Variants in HS2ST1 observed in about 807,000 individuals in gnomAD.
HS2ST1 encodes heparan sulfate 2-O-sulfotransferase 1.
Under a neutral mutation model 42.9 loss-of-function variants are expected in HS2ST1, and 18 were observed. The ratio of observed to expected loss-of-function variants is 0.42; its 90% CI spans 0.29 to 0.62. The LOEUF (loss-of-function observed/expected upper bound fraction) is 0.62. Ranked by LOEUF, HS2ST1 falls within the 20% of genes least tolerant of loss-of-function variation. HS2ST1 has a pLI of 0.21. For synonymous variants in HS2ST1, 146 were observed against 152.9 expected (o/e 0.95, Z 0.33); for missense variants, 334 against 433.8 (o/e 0.77, Z 2.04).
At chr1:86,945,952 AT>A (rs1256916090) in intron 1 of HS2ST1, among the ~76,000 whole-genome samples, 3 of 152,284 alleles carry the variant, frequency 2.0e-5, no homozygotes, top group East Asian at 3.9e-4. Flanking sequence ...TTAAAACAAA[AT>A]TCAAGTCTCC....
At chr1:87,020,638 T>A (rs982424914) in intron 1 of HS2ST1, among the ~76,000 whole-genome samples, 4 of 152,062 alleles carry the variant, frequency 2.6e-5, no homozygotes, top group Admixed American at 2.6e-4. Context: ...AGGCTAGGAG[T>A]TTGAGATCAA....
At chr1:86,958,498 A>G (rs1647736884) in intron 1 of HS2ST1, 1 of 152,374 alleles carries the variant, frequency 6.6e-6, no homozygotes, top group Non-Finnish European at 1.5e-5. Context: ...AGGTGGAAGA[A>G]AATTCTTGTG....
chr1:87,103,962 T>A (rs1458197952), intron 6 of HS2ST1, among the ~76,000 whole-genome samples: 1 of 152,200 alleles, frequency 6.6e-6, no homozygotes, highest in Non-Finnish European at 1.5e-5. Context: ...AGCCGTATTA[T>A]CATGTGTCTG....
chr1:87,067,559 G>A (rs1433853627), intron 1 of HS2ST1, among the ~76,000 whole-genome samples: 1 of 152,166 alleles, frequency 6.6e-6, no homozygotes, highest in Non-Finnish European at 1.5e-5. Flanking sequence ...CTGTGCAGAA[G>A]CTCTTTAGTT....
At chr1:86,972,890 T>C (rs1487849017) in intron 1 of HS2ST1, among the ~76,000 whole-genome samples, 4 of 152,236 alleles carry the variant, frequency 2.6e-5, no homozygotes, top group Admixed American at 2.6e-4. Context: ...CTGCAGTCTA[T>C]AATAGTTCTG....
At chr1:87,025,549 G>A (rs539354942) in intron 1 of HS2ST1, among the ~76,000 whole-genome samples, 2 of 152,138 alleles carry the variant, frequency 1.3e-5, no homozygotes, top group Non-Finnish European at 2.9e-5. Context: ...AGACATCTGT[G>A]TAGAATATCT....
intron 1 of HS2ST1, among the ~76,000 whole-genome samples, chr1:86,963,590 A>G (rs909097758): frequency 6.6e-6 from 1 of 152,136 alleles, no homozygotes; most frequent in Non-Finnish European, 1.5e-5. Context: ...TGATTTCTCT[A>G]TCTTTTCCCC....
chr1:87,000,207 A>G (rs1649242449), intron 1 of HS2ST1, among the ~76,000 whole-genome samples: 1 of 152,180 alleles, frequency 6.6e-6, no homozygotes, highest in Non-Finnish European at 1.5e-5. Context: ...TGGACTTAAA[A>G]TTGATGCTTG....
At chr1:86,930,447 C>T (rs1395451017) in intron 1 of HS2ST1, among the ~76,000 whole-genome samples, 4 of 151,874 alleles carry the variant, frequency 2.6e-5, no homozygotes, top group Admixed American at 2.6e-4. Flanking sequence ...ACCTAACCTT[C>T]CTCTATCCCC....
rs1652358277 is a variant in HS2ST1, at chr1:87,107,719, A to G, written c.*3023A>G. The G allele has an allele frequency of 6.6e-6, 1 of 151,926 alleles. No individual in the cohort carries two copies. The highest frequency in any genetic ancestry group is 2.4e-5 in the African/African-American group (1 of 41,422). 9.4% of individuals were successfully genotyped at this position (151,926 alleles called of 1,614,324 possible). A position where few individuals can be genotyped will look rare whatever the true frequency, so the allele number is the denominator to read the frequency against. On this transcript the variant is annotated 3_prime_UTR_variant, in exon 7 of 7. Transcript: ENST00000370550. ...CAACTTGTATCAACTCCTCTTTTCT[A>G]ATTGCTGTGAAATGGCAACTGTTGA...
chr1:86,925,921 A>G (rs371554601), intron 1 of HS2ST1, among the ~76,000 whole-genome samples: 1 of 152,128 alleles, frequency 6.6e-6, no homozygotes, highest in African/African-American at 2.4e-5. Flanking sequence ...CGTGTCTGGT[A>G]ATTTTTAACT....
chr1:86,921,318 T>C (rs1660291086), intron 1 of HS2ST1, among the ~76,000 whole-genome samples: 1 of 152,188 alleles, frequency 6.6e-6, no homozygotes, highest in South Asian at 2.1e-4. Flanking sequence ...GCTTCATGTA[T>C]TTTGAAGTGC....
At chr1:87,035,201 T>C (rs924489832) in intron 1 of HS2ST1, among the ~76,000 whole-genome samples, 1 of 152,222 alleles carries the variant, frequency 6.6e-6, no homozygotes, top group African/African-American at 2.4e-5. Flanking sequence ...TTCTGACCTT[T>C]AGAACTCTTA....
chr1:86,953,861 A>G (rs147061144), intron 1 of HS2ST1, among the ~76,000 whole-genome samples: 2 of 151,952 alleles, frequency 1.3e-5, no homozygotes, highest in South Asian at 4.2e-4. Flanking sequence ...GCCTAATTTC[A>G]ATATTGTTGT....
rs531849225 is a variant in HS2ST1 at position 87,074,251 on chromosome 1, A to T, written c.363+1079A>T. Among the ~76,000 whole-genome samples, 18 of 152,308 alleles carry T rather than the reference A, an allele frequency of 1.2e-4. No individual in the cohort carries two copies. The East Asian group carries it at 3.5e-3, about 29-fold the overall frequency. ...AAACCAAATAACTCTTCTATGAATGAGAAGAAACATGAGTTGTTTTTAGCT... is the reference window on the plus strand; with the variant it reads ...AAACCAAATAACTCTTCTATGAATGTGAAGAAACATGAGTTGTTTTTAGCT... On this transcript the variant is annotated intron_variant, in intron 2 of 6. Transcript: ENST00000370550.
chr1:87,041,229 AAAAAAAAAAAAC>A (rs933643660), intron 1 of HS2ST1, among the ~76,000 whole-genome samples: 3 of 49,194 alleles, frequency 6.1e-5, no homozygotes, highest in African/African-American at 1.7e-4. Context: ...CTCTACTAAA[AAAAAAAAAAAAC>A]AAAAAAAAAA....
At chr1:86,999,600 A>G (rs566415728) in intron 1 of HS2ST1, among the ~76,000 whole-genome samples, 4 of 152,166 alleles carry the variant, frequency 2.6e-5, no homozygotes, top group Non-Finnish European at 5.9e-5. Context: ...TTTAAAACCA[A>G]TGTCTGTTCT....
Position 87,092,527 on chromosome 1 carries a change from T to A in HS2ST1, c.450-4T>A. 1 of 1,533,732 alleles carries A rather than the reference T, an allele frequency of 6.5e-7. No homozygotes were observed. The highest frequency in any genetic ancestry group is 2.4e-5 in the East Asian group (1 of 40,850). ...TTCACCTTTGAAATTTTGTTGTATTTCAGATTTGGTGTGAAGAAGAAACCA... is the reference window on the plus strand; with the variant it reads ...TTCACCTTTGAAATTTTGTTGTATTACAGATTTGGTGTGAAGAAGAAACCA... On this transcript the variant is annotated splice_region_variant and splice_polypyrimidine_tract_variant and intron_variant, in intron 3 of 6. Coordinates refer to ENST00000370550, the MANE Select transcript of HS2ST1 (RefSeq NM_012262.4).
intron 1 of HS2ST1, among the ~76,000 whole-genome samples, chr1:86,947,910 T>G (rs1055609011): frequency 6.6e-6 from 1 of 152,092 alleles, no homozygotes; most frequent in African/African-American, 2.4e-5. Context: ...AGAAGAGCAA[T>G]ATATATGGAA....
Sources: gnomAD v4.1 joint callset for allele counts (sites outside exome capture counted in the v4.1 genomes callset) on GRCh38, gnomAD v4.1.1 for gene constraint, MANE v1.5 for transcripts, NCBI Gene and HGNC (gene_info 2026-07-23, HGNC 2026-07-21) for gene names.